The following NELL1 variants were observed in gnomAD, a reference collection of about 807,000 sequenced individuals.
NELL1 encodes protein kinase C-binding protein NELL1.
In NELL1, 76 loss-of-function variants were observed where a neutral mutation model predicts 107.4. That is an observed-to-expected ratio of 0.71 (90% CI 0.59 to 0.86). The LOEUF (loss-of-function observed/expected upper bound fraction) is 0.86, where lower values mean the gene tolerates loss of function less well. Among genes scored for constraint, NELL1 ranks in the 40% least tolerant of loss-of-function variants. The pLI is 0.00. For synonymous variants in NELL1, 353 were observed against 341.2 expected, an observed-to-expected ratio of 1.03 and a Z score of -0.38; for missense variants, 1,024 against 1,005.5, an observed-to-expected ratio of 1.02 and a Z score of -0.25.
chr11:20,931,289 C>A (rs976223261), intron 9 of NELL1, among the ~76,000 whole-genome samples: 1 of 152,080 alleles, frequency 6.6e-6, no homozygotes, highest in Admixed American at 6.6e-5. Flanking sequence ...TATTTTGAAC[C>A]TTCTAGAAGT....
At chr11:20,858,890 G>A (rs1292265040) in intron 4 of NELL1, among the ~76,000 whole-genome samples, 2 of 152,174 alleles carry the variant, frequency 1.3e-5, no homozygotes, top group Non-Finnish European at 2.9e-5. Flanking sequence ...TGTGACTTTG[G>A]CACAGGTACA....
chr11:21,113,660 T>A lies in NELL1; in HGVS notation c.1372T>A (p.Tyr458Asn), dbSNP rs768088335. The change falls in exon 13 of 20, where the codon TAT becomes AAT. Residue 458 changes from tyrosine (Y) to asparagine (N), a missense_variant. Physicochemically the swap from Tyr to Asn is moderately radical, Grantham distance 143. Coordinates refer to ENST00000357134, the MANE Select transcript of NELL1 (RefSeq NM_006157.5). ...TGTGTGTGTCAACCTTCCTGGGTTA[T>A]ATCGCTGTGACTGTGTCCCAGGATA... The part of the protein sequence containing the change: ...NTVCVNLPGL[Y>N]RCDCVPGYIR... The A allele has an allele frequency of 6.2e-7, 1 of 1,612,412 alleles. No homozygotes were observed. Among genetic ancestry groups the A allele is most frequent in the South Asian group, 1.1e-5 (1 of 91,048 alleles).
intron 2 of NELL1, among the ~76,000 whole-genome samples, chr11:20,714,538 T>TC (rs887295535): frequency 1.3e-5 from 2 of 150,420 alleles, no homozygotes; most frequent in Admixed American, 1.3e-4. Context: ...TAATTTTTTT[T>TC]TGAGGCAGGG....
intron 2 of NELL1, among the ~76,000 whole-genome samples, chr11:20,715,508 G>C (rs1855228886): frequency 6.6e-6 from 1 of 152,140 alleles, no homozygotes. Flanking sequence ...TATGCCTGTG[G>C]AGCCTGTGGC....
intron 3 of NELL1, among the ~76,000 whole-genome samples, chr11:20,816,476 G>T (rs968838034): frequency 6.6e-6 from 1 of 152,114 alleles, no homozygotes; most frequent in Non-Finnish European, 1.5e-5. Flanking sequence ...AAATGCTGCT[G>T]ATTTTTGTAC....
chr11:20,990,035 T>G (rs1318804799), intron 12 of NELL1, among the ~76,000 whole-genome samples: 1 of 151,958 alleles, frequency 6.6e-6, no homozygotes, highest in African/African-American at 2.4e-5. Flanking sequence ...AGTTTGCGAC[T>G]TCAGTTTCAT....
At chr11:20,860,904 GAACA>G (rs1848966196) in intron 4 of NELL1, among the ~76,000 whole-genome samples, 1 of 152,140 alleles carries the variant, frequency 6.6e-6, no homozygotes, top group South Asian at 2.1e-4. Context: ...CCCTGCTGGA[GAACA>G]AACAGAGTTG....
chr11:21,495,174 C>T (rs1854944656), intron 15 of NELL1, among the ~76,000 whole-genome samples: 1 of 152,098 alleles, frequency 6.6e-6, no homozygotes, highest in Admixed American at 6.6e-5. Flanking sequence ...ATCCCTTTCC[C>T]CTAACCACAA....
At chr11:21,112,229 G>T (rs567717491) in intron 12 of NELL1, among the ~76,000 whole-genome samples, 1 of 151,882 alleles carries the variant, frequency 6.6e-6, no homozygotes, top group East Asian at 1.9e-4. Flanking sequence ...CAATGACCTC[G>T]CAATAACTTT....
chr11:20,976,764 T>C (rs1851645152), intron 12 of NELL1, among the ~76,000 whole-genome samples: 1 of 152,200 alleles, frequency 6.6e-6, no homozygotes, highest in East Asian at 1.9e-4. Flanking sequence ...TGGCTTTTAC[T>C]ACATAATTAT....
At chr11:21,467,210 T>C (rs1854054127) in intron 15 of NELL1, among the ~76,000 whole-genome samples, 1 of 152,168 alleles carries the variant, frequency 6.6e-6, no homozygotes, top group African/African-American at 2.4e-5. Context: ...TAACTGTGTA[T>C]GACTTAAGAC....
Position 21,101,743 on chromosome 11 carries a change from T to A in NELL1, c.1301-11846T>A, listed in dbSNP as rs569531685. On this transcript the variant is annotated intron_variant, in intron 12 of 19. Transcript: ENST00000357134. ...CATTGTAGATTCTGGATATTAGCCC[T>A]TTGTCAGATGAGTAGATTGCAACAA... Among the ~76,000 whole-genome samples the A allele has an allele frequency of 5.3e-5, 8 of 152,306 alleles. No homozygotes were observed. In the South Asian group the frequency reaches 1.5e-3, roughly 28 times the overall value.
At chr11:21,507,491 A>C (rs1205663459) in intron 15 of NELL1, among the ~76,000 whole-genome samples, 3 of 152,200 alleles carry the variant, frequency 2.0e-5, no homozygotes, top group Non-Finnish European at 2.9e-5. Flanking sequence ...TAACATGTCC[A>C]AGCCTTTAGA....
intron 15 of NELL1, among the ~76,000 whole-genome samples, chr11:21,403,779 A>G (rs1434334663): frequency 6.6e-6 from 1 of 151,738 alleles, no homozygotes; most frequent in Non-Finnish European, 1.5e-5. Context: ...GCATGCAGAA[A>G]CAACAGCATC....
chr11:21,452,495 C>T (rs1210707756), intron 15 of NELL1, among the ~76,000 whole-genome samples: 1 of 151,762 alleles, frequency 6.6e-6, no homozygotes, highest in African/African-American at 2.4e-5. Context: ...TATTATATTC[C>T]CTGATTATTC....
chr11:20,941,454 C>G lies in NELL1; in HGVS notation c.1071+3595C>G, dbSNP rs78917937. Reference sequence around the variant, plus strand: ...TGTTAGTGAAGTTCAGAGTTCCTTGCGTTCTTTTCCCCCATTGGGTTCCAG... The same window carrying G: ...TGTTAGTGAAGTTCAGAGTTCCTTGGGTTCTTTTCCCCCATTGGGTTCCAG... On this transcript the variant is annotated intron_variant, in intron 10 of 19. Coordinates refer to ENST00000357134, the MANE Select transcript of NELL1 (RefSeq NM_006157.5). Among the ~76,000 whole-genome samples, 237 of 152,260 alleles carry G rather than the reference C, an allele frequency of 1.6e-3. 1 individual carries two copies. The East Asian group carries it at 0.017, about 11-fold the overall frequency.
At chr11:21,451,476 G>A (rs1227922331) in intron 15 of NELL1, among the ~76,000 whole-genome samples, 1 of 152,028 alleles carries the variant, frequency 6.6e-6, no homozygotes, top group East Asian at 1.9e-4. Flanking sequence ...CCAAATATAT[G>A]GAGTATTATA....
chr11:20,801,982 A>G (rs964584586), intron 3 of NELL1, among the ~76,000 whole-genome samples: 1 of 152,124 alleles, frequency 6.6e-6, no homozygotes, highest in Non-Finnish European at 1.5e-5. Flanking sequence ...TTGGGTTACT[A>G]TAGCTCTGTA....
At chr11:21,124,984 C>T (rs559912834) in intron 13 of NELL1, among the ~76,000 whole-genome samples, 5 of 152,198 alleles carry the variant, frequency 3.3e-5, no homozygotes, top group Admixed American at 2.6e-4. Context: ...GCACTAATAA[C>T]CTAATCACTC....
Sources: gnomAD v4.1 joint callset for allele counts (sites outside exome capture counted in the v4.1 genomes callset) on GRCh38, gnomAD v4.1.1 for gene constraint, MANE v1.5 for transcripts, NCBI Gene and HGNC (gene_info 2026-07-23, HGNC 2026-07-21) for gene names.